The following NME9 variants were observed in gnomAD, a reference collection of about 807,000 sequenced individuals.
NME9 encodes the protein thioredoxin domain-containing protein 6.
NME9 carries 48 observed loss-of-function variants against 44.4 expected under a neutral mutation model. That is an observed-to-expected ratio of 1.08 (90% CI 0.86 to 1.37). NME9 has a LOEUF of 1.37. Among genes scored for constraint, NME9 ranks in the 40% most tolerant of loss-of-function variants. NME9 has a pLI of 0.00. For missense variants in NME9, 325 were observed against 405.2 expected, an observed-to-expected ratio of 0.80 and a Z score of 1.70; for synonymous variants, 139 against 147.1, an observed-to-expected ratio of 0.94 and a Z score of 0.40.
At chr3:138,265,232 A>T (rs1012260567) in intron 8 of NME9, among the ~76,000 whole-genome samples, 1 of 152,048 alleles carries the variant, frequency 6.6e-6, no homozygotes, top group Non-Finnish European at 1.5e-5. Context: ...TTTTGGTGTT[A>T]GGTCTTCTCT....
intron 8 of NME9, among the ~76,000 whole-genome samples, chr3:138,269,809 T>C (rs1356984943): frequency 7.0e-6 from 1 of 143,846 alleles, no homozygotes; most frequent in Non-Finnish European, 1.5e-5. Flanking sequence ...TGGTTTGGTT[T>C]TGTTTTCTTT....
Position 138,301,224 on chromosome 3 carries a change from A to G in NME9, c.*416T>C. 1 of 651,878 alleles carries G rather than the reference A, an allele frequency of 1.5e-6. No homozygotes were observed. 40.4% of individuals were successfully genotyped at this position (651,878 alleles called of 1,614,324 possible). A position where few individuals can be genotyped will look rare whatever the true frequency, so the allele number is the denominator to read the frequency against. ...ACTTTTTTTTTTATTATTATTATTA[A>G]GATGGAGTCTCACTCTGTCACCCAG... On this transcript the variant is annotated 3_prime_UTR_variant, in exon 11 of 11. Transcript: ENST00000333911.
At chr3:138,314,526 A>C in intron 5 of NME9, 119 bp from the exon 6 acceptor site, 1 of 648,774 alleles carries the variant, frequency 1.5e-6, no homozygotes, top group Non-Finnish European at 2.7e-6. Context: ...AAAAAATGTC[A>C]AAATTATCAG....
At chr3:138,320,054 G>C (rs1577193883) in intron 2 of NME9, among the ~76,000 whole-genome samples, 1 of 152,328 alleles carries the variant, frequency 6.6e-6, no homozygotes, top group Non-Finnish European at 1.5e-5. Flanking sequence ...TTCTTTGGGT[G>C]GAGCAGAGTT....
intron 8 of NME9, chr3:138,264,264 A>C (rs2048033496): frequency 7.1e-7 from 1 of 1,415,270 alleles, no homozygotes; most frequent in Non-Finnish European, 1.0e-6. Flanking sequence ...CCCTAGAGTG[A>C]GCTGAGCTAG....
chr3:138,328,971 G>C (rs1011776576), intron 1 of NME9, among the ~76,000 whole-genome samples: 3 of 152,060 alleles, frequency 2.0e-5, no homozygotes, highest in African/African-American at 7.2e-5. Context: ...CAAAATAACG[G>C]TCACATCGAG....
intron 2 of NME9, chr3:138,324,309 A>C (rs886407842): frequency 1.6e-5 from 6 of 365,508 alleles, no homozygotes; most frequent in Non-Finnish European, 1.1e-5. Flanking sequence ...GTGGTGAGAC[A>C]CTCTGAGCCA....
Position 138,329,581 on chromosome 3 carries a change from C to G in NME9, c.-246G>C. 1 of 1,314,252 alleles carries G rather than the reference C, an allele frequency of 7.6e-7. No homozygotes were observed. The highest frequency in any genetic ancestry group is 9.7e-7 in the Non-Finnish European group (1 of 1,034,202). The allele number at this position is 1,314,252 out of a possible 1,614,324, so 81.4% of individuals were successfully genotyped here. A position where few individuals can be genotyped will look rare whatever the true frequency, so the allele number is the denominator to read the frequency against. ...GGCTCGTGGCTCGCCGGGCGGTTTT[C>G]TGGGGATCTGCGAAGCCCCCTCCCC... On this transcript the variant is annotated 5_prime_UTR_variant, in exon 1 of 11. Coordinates refer to ENST00000333911, the MANE Select transcript of NME9 (RefSeq NM_001349018.2).
At chr3:138,293,357 T>G (rs1426841600) in intron 8 of NME9, among the ~76,000 whole-genome samples, 1 of 151,952 alleles carries the variant, frequency 6.6e-6, no homozygotes, top group Non-Finnish European at 1.5e-5. Flanking sequence ...CTGGCCAACA[T>G]AGTGAAACCC....
intron 1 of NME9, among the ~76,000 whole-genome samples, chr3:138,326,159 T>C (rs1247625675): frequency 6.6e-6 from 1 of 152,206 alleles, no homozygotes; most frequent in Admixed American, 6.5e-5. Flanking sequence ...TCCTCCTGAT[T>C]GGATTCAGAC....
Position 138,301,603 on chromosome 3 carries a change from C to T in NME9, c.*37G>A. 1 of 1,535,752 alleles carries T rather than the reference C, an allele frequency of 6.5e-7. No individual in the cohort carries two copies. The highest frequency in any genetic ancestry group is 8.7e-7 in the Non-Finnish European group (1 of 1,146,736). On this transcript the variant is annotated 3_prime_UTR_variant, in exon 11 of 11. Transcript: ENST00000333911. ...CGGAGGTCTGTTTTGTGCAGTAGAC[C>T]CCTGGTCACGTGCTCTGGAAGAGCA...
chr3:138,281,298 CT>C (rs747921351), intron 8 of NME9, among the ~76,000 whole-genome samples: 1,772 of 142,028 alleles, frequency 0.012, 20 homozygotes, highest in African/African-American at 0.036. Flanking sequence ...ATTTCTTTTT[CT>C]TTTTTTTTTT....
At chr3:138,263,224 A>C in intron 8 of NME9, among the ~76,000 whole-genome samples, 2 of 152,372 alleles carry the variant, frequency 1.3e-5, no homozygotes, top group Middle Eastern at 6.8e-3. Context: ...TAGTGATTAT[A>C]TGTAGCAGCA....
At chr3:138,270,289 T>G in intron 8 of NME9, among the ~76,000 whole-genome samples, 1 of 152,208 alleles carries the variant, frequency 6.6e-6, no homozygotes, top group East Asian at 1.9e-4. Context: ...CTAGAAGGCT[T>G]AGTATTAAAC....
chr3:138,306,881 A>G (rs997686648), intron 6 of NME9, among the ~76,000 whole-genome samples: 2 of 152,244 alleles, frequency 1.3e-5, no homozygotes, highest in Admixed American at 6.5e-5. Flanking sequence ...AGAAAGTGAG[A>G]GGGGGGCCTG....
intron 8 of NME9, among the ~76,000 whole-genome samples, chr3:138,289,385 A>G (rs1313063621): frequency 1.3e-5 from 2 of 152,226 alleles, no homozygotes; most frequent in Non-Finnish European, 2.9e-5. Flanking sequence ...CCCTGCCAGG[A>G]GAGAGCTGAT....
intron 2 of NME9, among the ~76,000 whole-genome samples, chr3:138,322,374 TGGGGGGTAG>T (rs1232314686): frequency 1.1e-3 from 5 of 4,454 alleles, no homozygotes; most frequent in African/African-American, 4.5e-3. Context: ...GAAGCGGGGG[TGGGGGGTAG>T]GGGGTGGGAG....
intron 6 of NME9, among the ~76,000 whole-genome samples, chr3:138,313,382 ACT>A (rs772605115): frequency 6.6e-6 from 1 of 152,010 alleles, no homozygotes; most frequent in Non-Finnish European, 1.5e-5. Context: ...ACAGAGGGAG[ACT>A]CTGTCTCAAA....
chr3:138,268,456 C>T (rs559042627), intron 8 of NME9, among the ~76,000 whole-genome samples: 1 of 152,108 alleles, frequency 6.6e-6, no homozygotes, highest in Non-Finnish European at 1.5e-5. Flanking sequence ...GTTAATCATC[C>T]TTAACTGCTC....
Sources: gnomAD v4.1 joint callset for allele counts (sites outside exome capture counted in the v4.1 genomes callset) on GRCh38, gnomAD v4.1.1 for gene constraint, MANE v1.5 for transcripts, NCBI Gene and HGNC (gene_info 2026-07-23, HGNC 2026-07-21) for gene names.